The following DPY19L4 variants were observed in gnomAD, a reference collection of about 807,000 sequenced individuals.
DPY19L4 encodes dpy-19 like 4.
In DPY19L4, 97 loss-of-function variants were observed where a neutral mutation model predicts 102.8. The observed-to-expected ratio is 0.94, with a 90% CI of 0.80 to 1.12. The LOEUF (loss-of-function observed/expected upper bound fraction) is 1.12. DPY19L4 is among the 50% of genes most tolerant of loss of function. The pLI is 0.00. For synonymous variants in DPY19L4, 252 were observed against 283.1 expected (o/e 0.89, Z 1.10); for missense variants, 815 against 850.4 (o/e 0.96, Z 0.52).
intron 6 of DPY19L4, among the ~76,000 whole-genome samples, chr8:94,745,250 C>T (rs1811620334): frequency 6.6e-6 from 1 of 152,042 alleles, no homozygotes. Context: ...GGGAAAAAAT[C>T]AGAGGTGAGT....
Position 94,770,012 on chromosome 8 carries a change from G to A in DPY19L4, c.1335-440G>A, listed in dbSNP as rs189232226. ...AAGCGATTCTCTTGCCTCAACCTCC[G>A]GAGTAGCTAAGATTACAGGCATGTG... On this transcript the variant is annotated intron_variant, in intron 12 of 18. Coordinates refer to ENST00000414645, the MANE Select transcript of DPY19L4 (RefSeq NM_181787.3). Among the ~76,000 whole-genome samples, 13 of 150,864 alleles carry A rather than the reference G, an allele frequency of 8.6e-5. No individual in the cohort carries two copies. The South Asian group carries it at 2.1e-3, about 24-fold the overall frequency.
At chr8:94,728,543 T>C (rs935621195) in intron 2 of DPY19L4, among the ~76,000 whole-genome samples, 2 of 152,206 alleles carry the variant, frequency 1.3e-5, no homozygotes, top group African/African-American at 2.4e-5. Flanking sequence ...GGCCTATATA[T>C]AAATTTGCTC....
In DPY19L4 at chr8:94,790,089, C is replaced by T. The variant is rs1813830810; in HGVS notation, c.*179C>T. 1 of 553,092 alleles carries T rather than the reference C, an allele frequency of 1.8e-6. No individual in the cohort carries two copies. Among genetic ancestry groups the T allele is most frequent in the Non-Finnish European group, 3.0e-6 (1 of 328,382 alleles). The allele number at this position is 553,092 out of a possible 1,614,324, so 34.3% of individuals were successfully genotyped here. A position where few individuals can be genotyped will look rare whatever the true frequency, so the allele number is the denominator to read the frequency against. ...AAATAGAAGATCAAGCATTACTGTCCTTTGATTAAATGTGATATCTACCAC... is the reference window on the plus strand; with the variant it reads ...AAATAGAAGATCAAGCATTACTGTCTTTTGATTAAATGTGATATCTACCAC... On this transcript the variant is annotated 3_prime_UTR_variant, in exon 19 of 19. Coordinates refer to ENST00000414645, the MANE Select transcript of DPY19L4 (RefSeq NM_181787.3).
At chr8:94,742,599 C>T (rs1390342594) in intron 6 of DPY19L4, among the ~76,000 whole-genome samples, 3 of 147,412 alleles carry the variant, frequency 2.0e-5, no homozygotes, top group Non-Finnish European at 4.5e-5. Flanking sequence ...TTCTCTGTTG[C>T]CCAGGCTGGA....
At chr8:94,777,902 G>A (rs1813259895) in intron 14 of DPY19L4, 116 bp downstream of exon 14, 1 of 1,276,538 alleles carries the variant, frequency 7.8e-7, no homozygotes, top group African/African-American at 1.5e-5. Flanking sequence ...ATGACTTACA[G>A]GTAGAAAAAC....
intron 7 of DPY19L4, among the ~76,000 whole-genome samples, chr8:94,760,754 T>C (rs568426806): frequency 3.3e-5 from 5 of 152,272 alleles, no homozygotes; most frequent in Admixed American, 6.5e-5. Flanking sequence ...TAAAAGTAGG[T>C]CCATAGAAGA....
intron 6 of DPY19L4, among the ~76,000 whole-genome samples, chr8:94,746,497 A>G (rs558440675): frequency 2.6e-5 from 4 of 152,364 alleles, no homozygotes; most frequent in East Asian, 1.9e-4. Context: ...CAGTCATTGT[A>G]TTGACATTGT....
In DPY19L4 at chr8:94,790,067, TAGA is replaced by T. The variant is rs1813829978; in HGVS notation, c.*161_*163del. Reference sequence around the variant, plus strand: ...ACTGGATCCAGAGTTCTGTGGGAAATAGAAGATCAAGCATTACTGTCCTTTGAT... The same window carrying T: ...ACTGGATCCAGAGTTCTGTGGGAAATAGATCAAGCATTACTGTCCTTTGAT... On this transcript the variant is annotated 3_prime_UTR_variant, in exon 19 of 19. Coordinates refer to ENST00000414645, the MANE Select transcript of DPY19L4 (RefSeq NM_181787.3). The T allele has an allele frequency of 3.0e-6, 2 of 660,902 alleles. No individual in the cohort carries two copies. The highest frequency in any genetic ancestry group is 3.9e-4 in the Middle Eastern group (1 of 2,564). The allele number at this position is 660,902 out of a possible 1,614,324, so 40.9% of individuals were successfully genotyped here. A position where few individuals can be genotyped will look rare whatever the true frequency, so the allele number is the denominator to read the frequency against.
chr8:94,764,034 T>C (rs1428071206), intron 8 of DPY19L4, among the ~76,000 whole-genome samples: 2 of 152,206 alleles, frequency 1.3e-5, no homozygotes, highest in African/African-American at 4.8e-5. Context: ...CATTTAACTT[T>C]GTTATGCTCA....
intron 6 of DPY19L4, among the ~76,000 whole-genome samples, chr8:94,751,141 CAG>C (rs1300859961): frequency 1.1e-4 from 14 of 133,102 alleles, no homozygotes; most frequent in Admixed American, 2.3e-4. Flanking sequence ...TTTTTTGAGA[CAG>C]AGTCTCACTC....
intron 6 of DPY19L4, among the ~76,000 whole-genome samples, chr8:94,751,443 C>T (rs1357367651): frequency 6.6e-6 from 1 of 151,702 alleles, no homozygotes; most frequent in African/African-American, 2.4e-5. Flanking sequence ...ACCCAACCAC[C>T]ACTACTATGC....
chr8:94,761,658 TAA>T (rs138678169), intron 7 of DPY19L4, 40 bp from the exon 8 acceptor site: 61,762 of 1,527,882 alleles, frequency 0.04, 1,446 homozygotes, highest in Middle Eastern at 0.051. Context: ...TTTATTGTAA[TAA>T]AGTTATTGAT....
At position 94,726,397 on chromosome 8, in the gene DPY19L4, A is replaced by T; in HGVS notation, c.83A>T (p.Glu28Val). ...KSSENKESAK[E>V]EKISDIPIPE... ...TCAGAAAATAAGGAATCTGCCAAAG[A>T]AGAGAAAATCAGTGACATTCCAATT... Residue 28 changes from glutamate (E) to valine (V), a missense_variant, in exon 2 of 19, where the codon GAA becomes GTA. Glu to Val is a moderately radical substitution (Grantham distance 121). Coordinates refer to ENST00000414645, the MANE Select transcript of DPY19L4 (RefSeq NM_181787.3). 6.2e-7 allele frequency: 1 copy of T among 1,612,784 alleles called. No individual in the cohort carries two copies. Among genetic ancestry groups the T allele is most frequent in the Admixed American group, 1.7e-5 (1 of 59,794 alleles).
chr8:94,763,771 T>C (rs895249251), intron 8 of DPY19L4, among the ~76,000 whole-genome samples: 4 of 151,952 alleles, frequency 2.6e-5, no homozygotes, highest in Non-Finnish European at 5.9e-5. Context: ...AGTGATCCGC[T>C]CTCTTTGGCC....
chr8:94,788,210 T>C (rs1813741631), intron 18 of DPY19L4, among the ~76,000 whole-genome samples, 158 bp downstream of exon 18: 1 of 151,684 alleles, frequency 6.6e-6, no homozygotes, highest in African/African-American at 2.4e-5. Context: ...AAAAGTAGTT[T>C]GGAGTATTTT....
chr8:94,725,443 A>G (rs1810645088), intron 1 of DPY19L4, among the ~76,000 whole-genome samples: 1 of 152,202 alleles, frequency 6.6e-6, no homozygotes, highest in Non-Finnish European at 1.5e-5. Flanking sequence ...CTGGAGCTAG[A>G]AGAGGAAGAT....
intron 6 of DPY19L4, among the ~76,000 whole-genome samples, chr8:94,742,969 T>C (rs1167028613): frequency 6.6e-6 from 1 of 152,046 alleles, no homozygotes; most frequent in Non-Finnish European, 1.5e-5. Flanking sequence ...CTTCCCAAAG[T>C]GCTGAGCTTA....
Position 94,792,451 on chromosome 8 carries a change from T to C in DPY19L4, c.*2541T>C, listed in dbSNP as rs972082692. 6.6e-6 allele frequency: 1 copy of C among 151,782 alleles called. No individual in the cohort carries two copies. Among genetic ancestry groups the C allele is most frequent in the Non-Finnish European group, 1.5e-5 (1 of 67,942 alleles). The allele number at this position is 151,782 out of a possible 1,614,324, so 9.4% of individuals were successfully genotyped here. The stretch of plus-strand genomic sequence containing the variant: ...TTAGTAGAAACGGGGTTTCGCCATG[T>C]TGGCCAGGCTGGTCTCGAACTCCTG... On this transcript the variant is annotated 3_prime_UTR_variant, in exon 19 of 19. Coordinates refer to ENST00000414645, the MANE Select transcript of DPY19L4 (RefSeq NM_181787.3).
At chr8:94,776,110 G>A (rs1456615860) in intron 13 of DPY19L4, among the ~76,000 whole-genome samples, 3 of 133,862 alleles carry the variant, frequency 2.2e-5, no homozygotes, top group Non-Finnish European at 3.0e-5. Context: ...TTGGCTCACT[G>A]CAAGCTCTGC....
Sources: gnomAD v4.1 joint callset for allele counts (sites outside exome capture counted in the v4.1 genomes callset) on GRCh38, gnomAD v4.1.1 for gene constraint, MANE v1.5 for transcripts, NCBI Gene and HGNC (gene_info 2026-07-23, HGNC 2026-07-21) for gene names.